LDLRAD2: variants seen among roughly 807,000 people sequenced by gnomAD.
LDLRAD2 encodes the protein low-density lipoprotein receptor class A domain-containing protein 2.
A neutral mutation model predicts 24.9 loss-of-function variants in LDLRAD2; 25 were observed. The ratio of observed to expected loss-of-function variants is 1.00; its 90% CI spans 0.73 to 1.40. The LOEUF (loss-of-function observed/expected upper bound fraction) is 1.40. Among genes scored for constraint, LDLRAD2 ranks in the 40% most tolerant of loss-of-function variants. The pLI is 0.00. For missense variants in LDLRAD2, 391 were observed against 366.2 expected, an observed-to-expected ratio of 1.07 and a Z score of -0.55; for synonymous variants, 182 against 166.7, an observed-to-expected ratio of 1.09 and a Z score of -0.71.
At chr1:21,821,865 G>T in intron 4 of LDLRAD2, 1 of 1,424,388 alleles carries the variant, frequency 7.0e-7, no homozygotes, top group Non-Finnish European at 9.1e-7. Context: ...CTCCACTGCA[G>T]CACAGCCTGT....
rs775837516 is a variant in LDLRAD2, at chr1:21,814,570, C to G, written c.258C>G (p.Val86=). ...RIRFQFRFFL[V]YSLTPAPPAL... ...GCTTCCAGTTCCGCTTCTTCCTGGT[C>G]TACAGCCTGACCCCCGCGCCCCCGG... Residue 86 remains valine (V), a synonymous_variant, in exon 2 of 5, where the codon GTC becomes GTG. Transcript: ENST00000344642. 2.3e-5 allele frequency: 37 copies of G among 1,612,168 alleles called. No homozygotes were observed. Among genetic ancestry groups the G allele is most frequent in the Non-Finnish European group, 2.9e-5 (34 of 1,179,474 alleles).
chr1:21,813,144 A>G (rs561183216), intron 1 of LDLRAD2, among the ~76,000 whole-genome samples: 98 of 152,240 alleles, frequency 6.4e-4, no homozygotes, highest in African/African-American at 2.3e-3. Context: ...AAAATACAAA[A>G]ATTAGCTGGG....
Position 21,822,995 on chromosome 1 carries a change from C to T in LDLRAD2, c.*780C>T, listed in dbSNP as rs1001010448. The T allele has an allele frequency of 1.2e-5, 3 of 256,036 alleles. No individual in the cohort carries two copies. The highest frequency in any genetic ancestry group is 2.2e-5 in the Non-Finnish European group (3 of 135,094). 15.9% of individuals were successfully genotyped at this position (256,036 alleles called of 1,614,324 possible). The stretch of plus-strand genomic sequence containing the variant: ...GGCTGCAGAAACAGGCCACCCAGCT[C>T]TATCTGGGGGCTCCATCGGTGGGTA... On this transcript the variant is annotated 3_prime_UTR_variant, in exon 5 of 5. Transcript: ENST00000344642.
chr1:21,813,434 T>C (rs910263467), intron 1 of LDLRAD2, among the ~76,000 whole-genome samples: 1 of 152,140 alleles, frequency 6.6e-6, no homozygotes. Flanking sequence ...TGAGCTCTGA[T>C]GAAGGATTTT....
Position 21,824,186 on chromosome 1 carries a change from C to T in LDLRAD2, c.*1971C>T, listed in dbSNP as rs1346191270. ...GGTCCTCAGAGACCAGGCGGGCCTC[C>T]CCACTACCCAGCTGGTACCTGCAGT... On this transcript the variant is annotated 3_prime_UTR_variant, in exon 5 of 5. Coordinates refer to ENST00000344642, the MANE Select transcript of LDLRAD2 (RefSeq NM_001013693.3). This position sits in a 1 kb window ranked among gnomAD's most constrained non-coding sequence, Gnocchi z 5.9. 1.2e-5 allele frequency: 20 copies of T among 1,613,790 alleles called. No homozygotes were observed. The highest frequency in any genetic ancestry group is 1.7e-5 in the Non-Finnish European group (20 of 1,180,034).
In LDLRAD2 at chr1:21,823,275, C is replaced by T. The variant is rs550067178; in HGVS notation, c.*1060C>T. On this transcript the variant is annotated 3_prime_UTR_variant, in exon 5 of 5. Transcript: ENST00000344642. ...TAATAATATACTCGACATTGTCGGG[C>T]TGGGGCGTGGCCCGGGAGTCCGTGT... 7 of 1,451,974 alleles carry T rather than the reference C, an allele frequency of 4.8e-6. No homozygotes were observed. The highest frequency in any genetic ancestry group is 6.4e-6 in the Non-Finnish European group (7 of 1,098,648). 89.9% of individuals were successfully genotyped at this position (1,451,974 alleles called of 1,614,324 possible).
chr1:21,814,323 C>A, intron 1 of LDLRAD2, 75 bp from the exon 2 acceptor site: 1 of 1,288,752 alleles, frequency 7.8e-7, no homozygotes, highest in Non-Finnish European at 1.0e-6. Flanking sequence ...CGCTTGGGAT[C>A]ACACAGCGGG....
Position 21,822,413 on chromosome 1 carries a change from C to T in LDLRAD2, c.*198C>T. On this transcript the variant is annotated 3_prime_UTR_variant, in exon 5 of 5. Transcript: ENST00000344642. ...GCAGATGGGGCAGGGTGGTCATATCCCCCTCCTCTCTCTCTCAGTCGTGAG... is the reference window on the plus strand; with the variant it reads ...GCAGATGGGGCAGGGTGGTCATATCTCCCTCCTCTCTCTCTCAGTCGTGAG... The T allele has an allele frequency of 1.6e-6, 1 of 607,186 alleles. No homozygotes were observed. The highest frequency in any genetic ancestry group is 3.0e-6 in the Non-Finnish European group (1 of 338,702). The allele number at this position is 607,186 out of a possible 1,614,324, so 37.6% of individuals were successfully genotyped here.
chr1:21,824,515 C>G lies in LDLRAD2; in HGVS notation c.*2300C>G, dbSNP rs754296274. The stretch of plus-strand genomic sequence containing the variant: ...TTCCTGCCCCAGGAGCCCCAAGAGC[C>G]CAGCCGGATACCCACACTCACCACA... On this transcript the variant is annotated 3_prime_UTR_variant, in exon 5 of 5. Transcript: ENST00000344642. The surrounding 1 kb of genome is among the most constrained non-coding windows in gnomAD (Gnocchi z 5.9). 6.2e-7 allele frequency: 1 copy of G among 1,612,484 alleles called. No individual in the cohort carries two copies. The highest frequency in any genetic ancestry group is 2.2e-5 in the East Asian group (1 of 44,878).
chr1:21,812,557 T>C (rs1336069336), intron 1 of LDLRAD2, 21 bp downstream of exon 1: 13 of 1,607,242 alleles, frequency 8.1e-6, no homozygotes, highest in Non-Finnish European at 1.1e-5. Flanking sequence ...GGGGGCTTGG[T>C]TGGGGCACCC....
chr1:21,813,470 G>T (rs1328339404), intron 1 of LDLRAD2, among the ~76,000 whole-genome samples: 1 of 152,082 alleles, frequency 6.6e-6, no homozygotes, highest in Non-Finnish European at 1.5e-5. Flanking sequence ...CATCCTGGCT[G>T]GTCCTCAAGT....
Position 21,824,317 on chromosome 1 carries a change from G to T in LDLRAD2, c.*2102G>T. The T allele has an allele frequency of 6.2e-7, 1 of 1,613,898 alleles. No individual in the cohort carries two copies. ...GTGCCAGGACCTACCTGAAGACAAG[G>T]TGCCCGTCTTGAAGCCCGAGGCTGA... On this transcript the variant is annotated 3_prime_UTR_variant, in exon 5 of 5. Coordinates refer to ENST00000344642, the MANE Select transcript of LDLRAD2 (RefSeq NM_001013693.3). This position sits in a 1 kb window ranked among gnomAD's most constrained non-coding sequence, Gnocchi z 5.9.
chr1:21,818,760 C>G (rs1441129272), intron 3 of LDLRAD2, among the ~76,000 whole-genome samples: 1 of 152,304 alleles, frequency 6.6e-6, no homozygotes. Flanking sequence ...CTATCCTGCT[C>G]AAAACCCTCA....
At chr1:21,816,632 G>A (rs2097944284) in intron 3 of LDLRAD2, among the ~76,000 whole-genome samples, 1 of 152,068 alleles carries the variant, frequency 6.6e-6, no homozygotes, top group Admixed American at 6.5e-5. Context: ...AACCTTCCTG[G>A]GGATCTAAAG....
intron 1 of LDLRAD2, among the ~76,000 whole-genome samples, chr1:21,813,805 C>T (rs779551697): frequency 3.0e-4 from 46 of 152,272 alleles, no homozygotes; most frequent in Non-Finnish European, 2.5e-4. Context: ...ACATCCCATC[C>T]TCATCCTCAG....
intron 4 of LDLRAD2, 78 bp from the exon 5 acceptor site, chr1:21,822,124 G>T: frequency 6.2e-7 from 1 of 1,612,702 alleles, no homozygotes; most frequent in Non-Finnish European, 8.5e-7. Flanking sequence ...CAGGGTTGGG[G>T]GCCTGGGGGC....
In LDLRAD2 at chr1:21,824,721, G is replaced by A. The variant is rs938657534; in HGVS notation, c.*2506G>A. On this transcript the variant is annotated 3_prime_UTR_variant, in exon 5 of 5. Transcript: ENST00000344642. This position sits in a 1 kb window ranked among gnomAD's most constrained non-coding sequence, Gnocchi z 5.9. Reference sequence around the variant, plus strand: ...AGTCTCACCTCCTGGAGAAGACATGGCCAGGGAAGGCGAGGAAGCCATCAT... The same window carrying A: ...AGTCTCACCTCCTGGAGAAGACATGACCAGGGAAGGCGAGGAAGCCATCAT... 1 of 1,613,592 alleles carries A rather than the reference G, an allele frequency of 6.2e-7. No individual in the cohort carries two copies. The highest frequency in any genetic ancestry group is 8.5e-7 in the Non-Finnish European group (1 of 1,179,872).
At chr1:21,815,015 C>T (rs892012704) in intron 2 of LDLRAD2, among the ~76,000 whole-genome samples, 192 bp downstream of exon 2, 23 of 152,272 alleles carry the variant, frequency 1.5e-4, no homozygotes, top group Middle Eastern at 3.4e-3. Context: ...AATAAGGGAC[C>T]TCCCGGATCC....
Position 21,823,713 on chromosome 1 carries a change from G to T in LDLRAD2, c.*1498G>T. ...CGTCGACTTGGATGGAACCTCTGCG[G>T]CCCTCCCTGCAGTGGAACTGGGTCA... On this transcript the variant is annotated 3_prime_UTR_variant, in exon 5 of 5. Transcript: ENST00000344642. 6.2e-7 allele frequency: 1 copy of T among 1,613,134 alleles called. No homozygotes were observed. The highest frequency in any genetic ancestry group is 8.5e-7 in the Non-Finnish European group (1 of 1,179,778).
Sources: gnomAD v4.1 joint callset for allele counts (sites outside exome capture counted in the v4.1 genomes callset) on GRCh38, gnomAD v4.1.1 for gene constraint, Gnocchi (gnomAD v3.1) non-coding constraint, MANE v1.5 for transcripts, NCBI Gene and HGNC (gene_info 2026-07-23, HGNC 2026-07-21) for gene names.